TMPRSS12: variants seen among roughly 807,000 people sequenced by gnomAD.
TMPRSS12 encodes the protein transmembrane serine protease 12.
Under a neutral mutation model 26.0 loss-of-function variants are expected in TMPRSS12, and 25 were observed. That is an observed-to-expected ratio of 0.96 (90% CI 0.70 to 1.34). The LOEUF (loss-of-function observed/expected upper bound fraction) is 1.34, where lower values mean the gene tolerates loss of function less well. TMPRSS12 is among the 40% of genes most tolerant of loss of function. The probability of loss-of-function intolerance (pLI) is 0.00; values close to 1 mark genes in which losing one functional copy is unlikely to be tolerated. For missense variants in TMPRSS12, 441 were observed against 440.1 expected, an observed-to-expected ratio of 1.00 and a Z score of -0.02; for synonymous variants, 150 against 161.7, an observed-to-expected ratio of 0.93 and a Z score of 0.55.
intron 2 of TMPRSS12, among the ~76,000 whole-genome samples, chr12:50,857,518 T>C (rs183544496): frequency 9.8e-5 from 15 of 152,314 alleles, no homozygotes; most frequent in Admixed American, 3.3e-4. Context: ...ATTTGAAGGA[T>C]GAAAAGTTAT....
At chr12:50,863,137 C>T (rs929703511) in intron 3 of TMPRSS12, among the ~76,000 whole-genome samples, 2 of 151,944 alleles carry the variant, frequency 1.3e-5, no homozygotes, top group Non-Finnish European at 2.9e-5. Flanking sequence ...CACCACTGCA[C>T]TCCAGCCTGG....
At chr12:50,862,902 C>T (rs1483447649) in intron 3 of TMPRSS12, among the ~76,000 whole-genome samples, 1 of 151,738 alleles carries the variant, frequency 6.6e-6, no homozygotes, top group African/African-American at 2.4e-5. Flanking sequence ...ATACACATGG[C>T]TACATTAATC....
chr12:50,875,054 C>T (rs1342771427), intron 3 of TMPRSS12, among the ~76,000 whole-genome samples: 1 of 152,058 alleles, frequency 6.6e-6, no homozygotes, highest in Non-Finnish European at 1.5e-5. Context: ...ATCAAGCTAC[C>T]AATGTTGTTT....
intron 3 of TMPRSS12, among the ~76,000 whole-genome samples, chr12:50,882,248 A>T (rs551941538): frequency 1.5e-5 from 2 of 135,824 alleles, no homozygotes; most frequent in South Asian, 4.8e-4. Flanking sequence ...CCAGGAGTTC[A>T]AGACCAGCCT....
Position 50,847,058 on chromosome 12 carries a change from T to TCC in TMPRSS12, c.383+3021_383+3022insCC, listed in dbSNP as rs778899229. Among the ~76,000 whole-genome samples the TCC allele has an allele frequency of 1.5e-4, 3 of 20,644 alleles. No homozygotes were observed. The Non-Finnish European group carries it at 4.5e-3, about 31-fold the overall frequency. The allele number at this position is 20,644 out of a possible 152,430, so 13.5% of individuals were successfully genotyped here. A position where few individuals can be genotyped will look rare whatever the true frequency, so the allele number is the denominator to read the frequency against. On this transcript the variant is annotated intron_variant, in intron 2 of 4. Transcript: ENST00000398458. ...TAGGGATTGCATTCAGTCTAAAAAC[T>TCC]TTTTTTTTTTTTTTTTTTGAGACGG... is the stretch of plus-strand genomic sequence containing the variant.
rs751847313 is a variant in TMPRSS12, at chr12:50,843,083, G to C, written c.119G>C (p.Ser40Thr). 12 of 1,585,218 alleles carry C rather than the reference G, an allele frequency of 7.6e-6. No individual in the cohort carries two copies. The African/African-American group carries it at 1.6e-4, about 21-fold the overall frequency. ...GGCCCCTCGCCGGAACCGGCGGCTA[G>C]TTCCCAGCAGGCTGAGGCCGTCCGC... ...RLGPSPEPAA[S>T]SQQAEAVRKR... Residue 40 changes from serine to threonine, a missense_variant, in exon 1 of 5, where the codon AGT (serine) becomes ACT (threonine). Coordinates refer to ENST00000398458, the MANE Select transcript of TMPRSS12 (RefSeq NM_182559.3).
intron 1 of TMPRSS12, 140 bp downstream of exon 1, chr12:50,843,291 C>G (rs1442116514): frequency 1.2e-5 from 9 of 760,010 alleles, no homozygotes; most frequent in Non-Finnish European, 1.8e-5. Context: ...AGTTTCTAGA[C>G]CGGCTGTAAT....
chr12:50,857,790 TG>T (rs1555205816), intron 2 of TMPRSS12, among the ~76,000 whole-genome samples: 9 of 53,080 alleles, frequency 1.7e-4, no homozygotes, highest in Admixed American at 2.2e-4. Flanking sequence ...TTTAGTTTTT[TG>T]TTGTTGTTGT....
rs141853654 is a variant in TMPRSS12 at position 50,879,469 on chromosome 12, T to G, written c.653-5777T>G. 4.0e-4 allele frequency among the ~76,000 whole-genome samples: 61 copies of G among 152,352 alleles called. No homozygotes were observed. The East Asian group carries it at 0.011, about 27-fold the overall frequency. On this transcript the variant is annotated intron_variant, in intron 3 of 4. Transcript: ENST00000398458. ...GAATGTAAATGCTAATTTGACATATTATTATCATTCTGAAAACCCTTTCCT... is the reference window on the plus strand; with the variant it reads ...GAATGTAAATGCTAATTTGACATATGATTATCATTCTGAAAACCCTTTCCT...
intron 2 of TMPRSS12, among the ~76,000 whole-genome samples, chr12:50,845,736 T>G (rs1937761405): frequency 6.6e-6 from 1 of 152,198 alleles, no homozygotes; most frequent in Non-Finnish European, 1.5e-5. Flanking sequence ...CCCTCCCTAC[T>G]GATTAAAAGT....
At chr12:50,881,811 A>C (rs1488407568) in intron 3 of TMPRSS12, among the ~76,000 whole-genome samples, 1 of 150,818 alleles carries the variant, frequency 6.6e-6, no homozygotes, top group Admixed American at 6.6e-5. Flanking sequence ...CTCCACCAAA[A>C]ATACAAAAAA....
At chr12:50,850,287 G>A (rs1937813580) in intron 2 of TMPRSS12, among the ~76,000 whole-genome samples, 1 of 152,042 alleles carries the variant, frequency 6.6e-6, no homozygotes, top group Non-Finnish European at 1.5e-5. Context: ...GTTTCATAAT[G>A]GATAGCACCA....
At chr12:50,866,123 C>A (rs1425919228) in intron 3 of TMPRSS12, among the ~76,000 whole-genome samples, 1 of 152,118 alleles carries the variant, frequency 6.6e-6, no homozygotes, top group East Asian at 1.9e-4. Flanking sequence ...TCCAGAATGA[C>A]TGCAGAAATA....
chr12:50,855,001 C>T (rs1937862265), intron 2 of TMPRSS12, among the ~76,000 whole-genome samples: 2 of 152,086 alleles, frequency 1.3e-5, no homozygotes. Context: ...GCCCAAATAG[C>T]CAAAGGAATC....
chr12:50,869,194 G>T (rs769289402), intron 3 of TMPRSS12, among the ~76,000 whole-genome samples: 1 of 151,148 alleles, frequency 6.6e-6, no homozygotes, highest in Non-Finnish European at 1.5e-5. Flanking sequence ...AAATACAAAA[G>T]ATAAGTGAAA....
At chr12:50,849,657 T>G (rs1253872115) in intron 2 of TMPRSS12, among the ~76,000 whole-genome samples, 5 of 152,102 alleles carry the variant, frequency 3.3e-5, no homozygotes, top group African/African-American at 1.2e-4. Flanking sequence ...GAGCTTGGCT[T>G]GTTTACCTAG....
At chr12:50,880,966 C>CTTTTTTTTTTT (rs869152225) in intron 3 of TMPRSS12, among the ~76,000 whole-genome samples, 34 of 61,800 alleles carry the variant, frequency 5.5e-4, no homozygotes, top group Non-Finnish European at 6.9e-4. Context: ...TCAGTAATTT[C>CTTTTTTTTTTT]TTTTTTTTTT....
In TMPRSS12 at chr12:50,843,843, T is replaced by C; in HGVS notation, c.189T>C (p.Asp63=). 6.4e-7 allele frequency: 1 copy of C among 1,551,222 alleles called. No homozygotes were observed. The highest frequency in any genetic ancestry group is 8.7e-7 in the Non-Finnish European group (1 of 1,147,454). Residue 63 remains aspartate, a splice_region_variant and synonymous_variant, in exon 2 of 5, where the codon GAT becomes GAC. Coordinates refer to ENST00000398458, the MANE Select transcript of TMPRSS12 (RefSeq NM_182559.3). ...RRREGGAHAE[D]CGTAPLKDVL... Reference sequence around the variant, plus strand: ...ATAATATATCATTTTTATTTTTAGATTGTGGAACAGCACCGCTTAAGGATG... The same window carrying C: ...ATAATATATCATTTTTATTTTTAGACTGTGGAACAGCACCGCTTAAGGATG...
At chr12:50,886,767 T>C (rs1243281058) in intron 4 of TMPRSS12, 1 of 154,520 alleles carries the variant, frequency 6.5e-6, no homozygotes, top group Non-Finnish European at 1.4e-5. Context: ...CTAGCTATTG[T>C]CAACACTTAG....
Sources: gnomAD v4.1 joint callset for allele counts (sites outside exome capture counted in the v4.1 genomes callset) on GRCh38, gnomAD v4.1.1 for gene constraint, MANE v1.5 for transcripts, NCBI Gene and HGNC (gene_info 2026-07-23, HGNC 2026-07-21) for gene names.